RPL5: variants seen among roughly 807,000 people sequenced by gnomAD.
The protein encoded by RPL5 is large ribosomal subunit protein uL18.
In RPL5, 1 loss-of-function variant was observed where a neutral mutation model predicts 38.4. The observed-to-expected ratio is 0.03, with a 90% CI of 0.01 to 0.12. RPL5 has a LOEUF of 0.12. Ranked by LOEUF, RPL5 falls within the 10% of genes least tolerant of loss-of-function variation. The probability of loss-of-function intolerance (pLI) is 1.00; values close to 1 mark genes in which losing one functional copy is unlikely to be tolerated. For missense variants in RPL5, 243 were observed against 374.1 expected (o/e 0.65, Z 2.89); for synonymous variants, 109 against 121.2 (o/e 0.90, Z 0.66).
intron 5 of RPL5, 168 bp from the exon 6 acceptor site, chr1:92,837,288 T>C (rs776791785): frequency 1.8e-5 from 14 of 779,814 alleles, no homozygotes; most frequent in South Asian, 1.2e-4. Flanking sequence ...AGAGATGAGC[T>C]GCTGAATGAT....
At chr1:92,841,737 TA>T (rs1233891263) in intron 7 of RPL5, 28 bp from the exon 8 acceptor site, 4 of 1,480,664 alleles carry the variant, frequency 2.7e-6, no homozygotes, top group South Asian at 2.3e-5. Context: ...AGTTATAGTT[TA>T]AAAAATATAT....
In RPL5 at chr1:92,835,724, C is replaced by T. The variant is rs151195498; in HGVS notation, c.325-466C>T. On this transcript the variant is annotated intron_variant, in intron 4 of 7. Transcript: ENST00000370321. ...GAGAGTGGCCATTGACGGGAAGATT[C>T]ATTTTTGTTTTAAACATTTTTCCTG... 4.4e-3 allele frequency among the ~76,000 whole-genome samples: 653 copies of T among 149,782 alleles called. 6 individuals are homozygous for T. The highest frequency in any genetic ancestry group is 0.015 in the African/African-American group (631 of 40,852).
intron 6 of RPL5, among the ~76,000 whole-genome samples, chr1:92,839,988 T>C (rs1687287072): frequency 6.6e-6 from 1 of 151,684 alleles, no homozygotes; most frequent in African/African-American, 2.4e-5. Flanking sequence ...GTTATAGGTG[T>C]GCACCACCAT....
rs1467860158 is a variant in RPL5 at position 92,837,223 on chromosome 1, G to GGT, written c.528-232_528-231dup. ...TAATTTTGTAGTGGTGGAAAGCCTT[G>GGT]GTAATGGCTTTTAAAGGTTTTTGTA... is the stretch of plus-strand genomic sequence containing the variant. On this transcript the variant is annotated intron_variant, in intron 5 of 7. Coordinates refer to ENST00000370321, the MANE Select transcript of RPL5 (RefSeq NM_000969.5). 4 of 697,778 alleles carry GGT rather than the reference G, an allele frequency of 5.7e-6. No individual in the cohort carries two copies. In the Admixed American group the frequency reaches 7.3e-5, roughly 13 times the overall value. 43.2% of individuals were successfully genotyped at this position (697,778 alleles called of 1,614,324 possible). A position where few individuals can be genotyped will look rare whatever the true frequency, so the allele number is the denominator to read the frequency against.
intron 5 of RPL5, chr1:92,837,124 A>G: frequency 2.5e-6 from 1 of 407,342 alleles, no homozygotes; most frequent in Non-Finnish European, 4.7e-6. Context: ...ACTTATTCCC[A>G]TGTACCCACT....
chr1:92,840,267 T>G, intron 6 of RPL5: 1 of 380,674 alleles, frequency 2.6e-6, no homozygotes, highest in Non-Finnish European at 4.9e-6. Flanking sequence ...CACTTCAGAC[T>G]CCCAAAGTGC....
intron 7 of RPL5, 47 bp downstream of exon 7, chr1:92,840,686 G>C: frequency 2.2e-6 from 3 of 1,366,734 alleles, no homozygotes; most frequent in Non-Finnish European, 2.1e-6. Flanking sequence ...GGTTGGGAAT[G>C]GTTCCCACGT....
At position 92,839,031 on chromosome 1, in the gene RPL5, C is replaced by CTTT. The variant is rs35078348; in HGVS notation, c.705+1415_705+1417dup. Among the ~76,000 whole-genome samples the CTTT allele has an allele frequency of 6.3e-4, 75 of 118,272 alleles. 1 individual carries two copies. Among genetic ancestry groups the CTTT allele is most frequent in the African/African-American group, 1.3e-3 (39 of 31,158 alleles). 77.6% of individuals were successfully genotyped at this position (118,272 alleles called of 152,430 possible). On this transcript the variant is annotated intron_variant, in intron 6 of 7. Transcript: ENST00000370321. ...TTATTAGATATTCAGAGAGTTGCAG[C>CTTT]TTTTTTTTTTTTTTTTTTTCAGTGA...
intron 4 of RPL5, among the ~76,000 whole-genome samples, chr1:92,835,713 A>C (rs1009305283): frequency 4.0e-5 from 6 of 150,858 alleles, no homozygotes; most frequent in Admixed American, 4.0e-4. Context: ...GTGGCCATTG[A>C]CGGGAAGATT....
intron 1 of RPL5, chr1:92,833,124 TGGGGC>T: frequency 1.5e-6 from 1 of 680,292 alleles, no homozygotes; most frequent in East Asian, 2.7e-5. Context: ...TGTAATAAAT[TGGGGC>T]CTGCATTTTG....
At position 92,833,760 on chromosome 1, in the gene RPL5, C is replaced by T. The variant is rs1289541343; in HGVS notation, c.189+100C>T. 3 of 887,476 alleles carry T rather than the reference C, an allele frequency of 3.4e-6. No individual in the cohort carries two copies. The Admixed American group carries it at 6.1e-5, about 18-fold the overall frequency. The allele number at this position is 887,476 out of a possible 1,614,324, so 55.0% of individuals were successfully genotyped here. On this transcript the variant is annotated intron_variant, in intron 3 of 7. Transcript: ENST00000370321. ...GTGTGTTAGAAGGGCTGTCTAGCAC[C>T]TCCAAAAGCATCCAGTGAATAATTT... is the stretch of plus-strand genomic sequence containing the variant.
rs950154061 is a variant in RPL5, at chr1:92,832,860, A to G, written c.4-529A>G. On this transcript the variant is annotated intron_variant, in intron 1 of 7. Coordinates refer to ENST00000370321, the MANE Select transcript of RPL5 (RefSeq NM_000969.5). ...TGCCCAGTTAAGCTTTGTGGCAGGT[A>G]ATTTAGGCTTTTGAAAAACATAACA... The G allele has an allele frequency of 2.8e-5, 17 of 617,146 alleles. No homozygotes were observed. In the African/African-American group the frequency reaches 2.8e-4, roughly 10 times the overall value. 38.2% of individuals were successfully genotyped at this position (617,146 alleles called of 1,614,324 possible).
At chr1:92,833,256 C>T in intron 1 of RPL5, 133 bp from the exon 2 acceptor site, 1 of 750,608 alleles carries the variant, frequency 1.3e-6, no homozygotes. Flanking sequence ...GCTTGTGAAA[C>T]CTGGGATTCT....
intron 1 of RPL5, among the ~76,000 whole-genome samples, chr1:92,832,464 G>T (rs752008675): frequency 6.6e-6 from 1 of 152,228 alleles, no homozygotes; most frequent in Non-Finnish European, 1.5e-5. Flanking sequence ...CCTCAGCCTA[G>T]CTGGGGAACG....
In RPL5 at chr1:92,834,812, G is replaced by C; in HGVS notation, c.223G>C (p.Val75Leu). ...TGCCCGTATAGAGGGGGATATGATA[G>C]TCTGCGCAGCGTATGCACACGAACT... is the stretch of plus-strand genomic sequence containing the variant. Reference protein sequence around the residue: ...AYARIEGDMIVCAAYAHELPK... With the variant: ...AYARIEGDMILCAAYAHELPK... Residue 75 changes from valine to leucine, a missense_variant, in exon 4 of 8, where the codon GTC becomes CTC. Transcript: ENST00000370321. 6.2e-7 allele frequency: 1 copy of C among 1,613,194 alleles called. No individual in the cohort carries two copies. Among genetic ancestry groups the C allele is most frequent in the Non-Finnish European group, 8.5e-7 (1 of 1,179,906 alleles).
chr1:92,833,322 T>G (rs1686986498), intron 1 of RPL5, 67 bp from the exon 2 acceptor site: 1 of 1,286,172 alleles, frequency 7.8e-7, no homozygotes, highest in African/African-American at 1.5e-5. Flanking sequence ...TGTTACATGG[T>G]TAATTTATGT....
intron 4 of RPL5, chr1:92,835,227 C>T (rs769455248): frequency 5.7e-5 from 25 of 435,554 alleles, no homozygotes; most frequent in Non-Finnish European, 6.8e-5. Flanking sequence ...ACAATGAAGA[C>T]CCTTGCTACT....
rs1402637100 is a variant in RPL5, at chr1:92,834,785, T to A, written c.196T>A (p.Tyr66Asn). 1.2e-6 allele frequency: 2 copies of A among 1,613,208 alleles called. No individual in the cohort carries two copies. The highest frequency in any genetic ancestry group is 2.2e-5 in the South Asian group (2 of 91,050). The change falls in exon 4 of 8, where the codon TAT becomes AAT. Residue 66 changes from tyrosine to asparagine, a missense_variant. Tyr to Asn is a moderately radical substitution (Grantham distance 143, BLOSUM62 -2). Coordinates refer to ENST00000370321, the MANE Select transcript of RPL5 (RefSeq NM_000969.5). ...TNRDIICQIA[Y>N]ARIEGDMIVC... The stretch of plus-strand genomic sequence containing the variant: ...AGTTTCTCTCTTACTATAGATTGCT[T>A]ATGCCCGTATAGAGGGGGATATGAT...
At chr1:92,839,275 C>T (rs1038475702) in intron 6 of RPL5, among the ~76,000 whole-genome samples, 18 of 152,152 alleles carry the variant, frequency 1.2e-4, no homozygotes, top group African/African-American at 4.3e-4. Context: ...AGAAGAATTG[C>T]TTGAACCCTG....
Sources: allele counts gnomAD v4.1 joint callset (sites outside exome capture counted in the v4.1 genomes callset), GRCh38; gene constraint gnomAD v4.1.1; transcripts MANE v1.5; gene names NCBI Gene and HGNC (gene_info 2026-07-23, HGNC 2026-07-21).